JPH2: variants seen among roughly 807,000 people sequenced by gnomAD.
JPH2 encodes the protein junctophilin-2.
A neutral mutation model predicts 55.9 loss-of-function variants in JPH2; 38 were observed. The ratio of observed to expected loss-of-function variants is 0.68; its 90% CI spans 0.52 to 0.89. JPH2 has a LOEUF of 0.89. Among genes scored for constraint, JPH2 ranks in the 40% least tolerant of loss-of-function variants. JPH2 has a pLI of 0.00. For missense variants in JPH2, 964 were observed against 1,037.6 expected (o/e 0.93, Z 0.97); for synonymous variants, 480 against 472.4 (o/e 1.02, Z -0.21).
At chr20:44,162,777 TATATATATATACACACAC>T (rs1215456933) in intron 1 of JPH2, among the ~76,000 whole-genome samples, 1 of 80,504 alleles carries the variant, frequency 1.2e-5, no homozygotes, top group African/African-American at 5.3e-5. Flanking sequence ...TATATATATA[TATATATATATACACACAC>T]ACACACACAC....
At chr20:44,134,887 T>TAA in intron 2 of JPH2, among the ~76,000 whole-genome samples, 1 of 107,580 alleles carries the variant, frequency 9.3e-6, no homozygotes, top group Admixed American at 1.2e-4. Context: ...TATATATATA[T>TAA]TAATATATAT....
rs911271009 is a variant in JPH2 at position 44,109,476 on chromosome 20, C to T, written c.*4042G>A. Among the ~76,000 whole-genome samples, 7 of 152,214 alleles carry T rather than the reference C, an allele frequency of 4.6e-5. No homozygotes were observed. Among genetic ancestry groups the T allele is most frequent in the African/African-American group, 9.7e-5 (4 of 41,448 alleles). ...GAACCAGCAACCATGTTCTGAACCA[C>T]ACAGCTGTTCTGCCACCACATACAG... On this transcript the variant is annotated 3_prime_UTR_variant, in exon 6 of 6. Coordinates refer to ENST00000372980, the MANE Select transcript of JPH2 (RefSeq NM_020433.5).
At chr20:44,143,614 C>T (rs1292949614) in intron 2 of JPH2, among the ~76,000 whole-genome samples, 1 of 152,214 alleles carries the variant, frequency 6.6e-6, no homozygotes, top group Non-Finnish European at 1.5e-5. Context: ...GTCCTTCTTC[C>T]TTCTCGTGCT....
chr20:44,111,163 G>C lies in JPH2; in HGVS notation c.*2355C>G, dbSNP rs771532729. 6.6e-6 allele frequency among the ~76,000 whole-genome samples: 1 copy of C among 152,166 alleles called. No individual in the cohort carries two copies. Among genetic ancestry groups the C allele is most frequent in the Non-Finnish European group, 1.5e-5 (1 of 68,030 alleles). On this transcript the variant is annotated 3_prime_UTR_variant, in exon 6 of 6. Coordinates refer to ENST00000372980, the MANE Select transcript of JPH2 (RefSeq NM_020433.5). ...GCTCCCCCACTGATTGAGATATTCTGACTAAACAACTGGTATCTGAATCAC... is the reference window on the plus strand; with the variant it reads ...GCTCCCCCACTGATTGAGATATTCTCACTAAACAACTGGTATCTGAATCAC...
At chr20:44,140,907 A>G (rs1422853027) in intron 2 of JPH2, among the ~76,000 whole-genome samples, 1 of 152,182 alleles carries the variant, frequency 6.6e-6, no homozygotes, top group Non-Finnish European at 1.5e-5. Flanking sequence ...CGTTGGAGAA[A>G]CTGAGGCTCA....
intron 1 of JPH2, among the ~76,000 whole-genome samples, chr20:44,166,097 T>C (rs6073355): frequency 0.12 from 18,152 of 152,238 alleles, 1,365 homozygotes; most frequent in Non-Finnish European, 0.15. Context: ...TAAATATGTG[T>C]TGGATGAATG....
chr20:44,115,986 G>C lies in JPH2; in HGVS notation c.1689C>G (p.Tyr563Ter), dbSNP rs757000497. Reference protein sequence around the residue: ...APSREPEVALYQGYHSYAVRT... With the variant: ...APSREPEVAL ...GCACAGCATAGCTGTGGTAGCCCTG[G>C]TAAAGCGCCACCTCCGGCTCCCGCG... Residue 563 changes from tyrosine to a stop codon, truncating the protein, a stop_gained, in exon 4 of 6, where the codon TAC (tyrosine) becomes TAG (stop). Transcript: ENST00000372980. LOFTEE classifies it high-confidence loss of function. The C allele has an allele frequency of 1.9e-6, 3 of 1,578,604 alleles. No homozygotes were observed. In the African/African-American group the frequency reaches 4.0e-5, roughly 21 times the overall value.
rs765916381 is a variant in JPH2, at chr20:44,116,070, G to A, written c.1605C>T (p.Pro535=). 2.6e-6 allele frequency: 4 copies of A among 1,540,638 alleles called. No individual in the cohort carries two copies. The highest frequency in any genetic ancestry group is 2.4e-5 in the South Asian group (2 of 83,768). Residue 535 remains proline, a synonymous_variant, in exon 4 of 6, where the codon CCC becomes CCT. Coordinates refer to ENST00000372980, the MANE Select transcript of JPH2 (RefSeq NM_020433.5). ...CCATGCGCTCGGTGGCTGGACGCGC[G>A]GGGCTGCGGCGGCCCGCGCCCTCGG... ...TPSEGAGRRS[P]ARPATERMAI...
chr20:44,134,741 A>AT, intron 2 of JPH2, among the ~76,000 whole-genome samples: 1 of 53,190 alleles, frequency 1.9e-5, no homozygotes, highest in African/African-American at 7.3e-5. Context: ...ATAAATATAT[A>AT]AAGATATATT....
At chr20:44,173,320 C>T (rs1388423473) in intron 1 of JPH2, among the ~76,000 whole-genome samples, 1 of 152,100 alleles carries the variant, frequency 6.6e-6, no homozygotes, top group Non-Finnish European at 1.5e-5. Context: ...TCTACCCAGA[C>T]CTGTGACTCA....
At chr20:44,152,035 CT>C (rs2145872852) in intron 2 of JPH2, among the ~76,000 whole-genome samples, 1 of 152,330 alleles carries the variant, frequency 6.6e-6, no homozygotes, top group African/African-American at 2.4e-5. Context: ...CATCTCCTTC[CT>C]CCCTCTCCAC....
chr20:44,150,424 T>C (rs2072523590), intron 2 of JPH2, among the ~76,000 whole-genome samples: 1 of 152,218 alleles, frequency 6.6e-6, no homozygotes, highest in Admixed American at 6.5e-5. Context: ...TGTTCATGGA[T>C]TGGAAGACTT....
At chr20:44,168,360 C>T (rs1600863112) in intron 1 of JPH2, among the ~76,000 whole-genome samples, 2 of 146,252 alleles carry the variant, frequency 1.4e-5, no homozygotes, top group Admixed American at 1.4e-4. Context: ...ATATTGTTTA[C>T]ACACAAAAAA....
chr20:44,182,899 G>A lies in JPH2; in HGVS notation c.379+3428C>T, dbSNP rs145447096. On this transcript the variant is annotated intron_variant, in intron 1 of 5. Transcript: ENST00000372980. Reference sequence around the variant, plus strand: ...GCTCAGTAGTACTGGTTGCATGAATGAATGAATGAATGAATAGGTTTTCCT... The same window carrying A: ...GCTCAGTAGTACTGGTTGCATGAATAAATGAATGAATGAATAGGTTTTCCT... 4.9e-4 allele frequency among the ~76,000 whole-genome samples: 74 copies of A among 152,318 alleles called. 2 individuals are homozygous for A. In the East Asian group the frequency reaches 0.014, roughly 29 times the overall value.
intron 2 of JPH2, among the ~76,000 whole-genome samples, chr20:44,154,838 C>T (rs1294294866): frequency 1.3e-5 from 2 of 152,218 alleles, no homozygotes; most frequent in Non-Finnish European, 2.9e-5. Context: ...TGAAACCCAT[C>T]CAGGCAGCCA....
chr20:44,168,718 A>G (rs6031435), intron 1 of JPH2, among the ~76,000 whole-genome samples: 68,683 of 152,110 alleles, frequency 0.45, 15,715 homozygotes, highest in African/African-American at 0.49. Context: ...TTACAAGTTA[A>G]AAGTTCCAAA....
intron 1 of JPH2, among the ~76,000 whole-genome samples, chr20:44,176,318 CTTTTTTTTTTTT>C (rs58088590): frequency 2.3e-3 from 256 of 113,676 alleles, no homozygotes; most frequent in African/African-American, 8.3e-3. Flanking sequence ...TCCTATCTGT[CTTTTTTTTTTTT>C]TTTTTTTTTT....
chr20:44,147,104 C>T (rs2072498573), intron 2 of JPH2, among the ~76,000 whole-genome samples: 1 of 152,170 alleles, frequency 6.6e-6, no homozygotes, highest in Admixed American at 6.5e-5. Context: ...ACTGTGGACC[C>T]TGTCAAGAGG....
chr20:44,148,959 C>T lies in JPH2; in HGVS notation c.1169+10659G>A, dbSNP rs185901212. Among the ~76,000 whole-genome samples the T allele has an allele frequency of 5.9e-5, 9 of 151,972 alleles. No individual in the cohort carries two copies. The East Asian group carries it at 1.2e-3, about 20-fold the overall frequency. On this transcript the variant is annotated intron_variant, in intron 2 of 5. Coordinates refer to ENST00000372980, the MANE Select transcript of JPH2 (RefSeq NM_020433.5). ...GTGAGCGCCCATAGTCCCAGCTACT[C>T]GGGAGGCTGAGGCAGGAGAATGGCG... is the stretch of plus-strand genomic sequence containing the variant.
Sources: allele counts gnomAD v4.1 joint callset (sites outside exome capture counted in the v4.1 genomes callset), GRCh38; gene constraint gnomAD v4.1.1; transcripts MANE v1.5; gene names NCBI Gene and HGNC (gene_info 2026-07-23, HGNC 2026-07-21).